Variants in EPS15 observed in about 807,000 individuals in gnomAD.
EPS15 encodes epidermal growth factor receptor pathway substrate 15.
EPS15 carries 72 observed loss-of-function variants against 113.8 expected under a neutral mutation model. The ratio of observed to expected loss-of-function variants is 0.63; its 90% CI spans 0.52 to 0.77. The LOEUF (loss-of-function observed/expected upper bound fraction) is 0.77, where lower values mean the gene tolerates loss of function less well. Ranked by LOEUF, EPS15 falls within the 30% of genes least tolerant of loss-of-function variation. EPS15 has a pLI of 0.00. For synonymous variants in EPS15, 344 were observed against 363.4 expected (o/e 0.95, Z 0.61); for missense variants, 1,048 against 1,045.8 (o/e 1.00, Z -0.03).
intron 18 of EPS15, among the ~76,000 whole-genome samples, chr1:51,401,502 A>T (rs1648548005): frequency 6.6e-6 from 1 of 152,226 alleles, no homozygotes; most frequent in Admixed American, 6.5e-5. Flanking sequence ...ATCTAACTGT[A>T]ACAGCAAAAC....
At chr1:51,369,135 A>G (rs1646581868) in intron 21 of EPS15, among the ~76,000 whole-genome samples, 1 of 152,342 alleles carries the variant, frequency 6.6e-6, no homozygotes, top group South Asian at 2.1e-4. Flanking sequence ...AACAAAATTA[A>G]TTTTAAAAAG....
At chr1:51,364,982 G>A (rs774588430) in intron 22 of EPS15, among the ~76,000 whole-genome samples, 4 of 151,482 alleles carry the variant, frequency 2.6e-5, no homozygotes, top group Non-Finnish European at 5.9e-5. Flanking sequence ...GGTGCGTGCC[G>A]GCATGCCTGA....
chr1:51,468,072 T>C (rs1041194502), intron 5 of EPS15, among the ~76,000 whole-genome samples: 4 of 152,002 alleles, frequency 2.6e-5, no homozygotes, highest in African/African-American at 9.7e-5. Flanking sequence ...GATCCTCCCA[T>C]CTCAGCCTCC....
At position 51,490,531 on chromosome 1, in the gene EPS15, C is replaced by A. The variant is rs970239010; in HGVS notation, c.34-9217G>T. Among the ~76,000 whole-genome samples, 4 of 144,722 alleles carry A rather than the reference C, an allele frequency of 2.8e-5. No homozygotes were observed. The South Asian group carries it at 8.9e-4, about 32-fold the overall frequency. 94.9% of individuals were successfully genotyped at this position (144,722 alleles called of 152,430 possible). The stretch of plus-strand genomic sequence containing the variant: ...AGTGAGCCGAGATCATGCCATTGCA[C>A]TCCCGCCTGGGCAACAGTGCGAGAC... On this transcript the variant is annotated intron_variant, in intron 1 of 24. Transcript: ENST00000371733.
intron 20 of EPS15, 142 bp from the exon 21 acceptor site, chr1:51,394,589 T>C (rs1647731006): frequency 6.4e-6 from 3 of 468,516 alleles, no homozygotes; most frequent in Non-Finnish European, 7.8e-6. Context: ...TTCCCCATAG[T>C]GATCTGCAAT....
intron 8 of EPS15, among the ~76,000 whole-genome samples, chr1:51,456,625 C>T (rs1177548286): frequency 1.3e-5 from 2 of 152,202 alleles, no homozygotes; most frequent in East Asian, 1.9e-4. Context: ...ATCTTAGCTA[C>T]GTCACTACTG....
chr1:51,403,499 C>T lies in EPS15; in HGVS notation c.1711G>A (p.Val571Met). 2 of 1,608,100 alleles carry T rather than the reference C, an allele frequency of 1.2e-6. No individual in the cohort carries two copies. The highest frequency in any genetic ancestry group is 1.7e-5 in the Admixed American group (1 of 59,186). ...GTAGTCACCTCATTTTCATCAGTCACACCAGAAGGCAGTAGTTCAGGACTA... is the reference window on the plus strand; with the variant it reads ...GTAGTCACCTCATTTTCATCAGTCATACCAGAAGGCAGTAGTTCAGGACTA... ...RSSPELLPSG[V>M]TDENEVTTAV... Residue 571 changes from valine to methionine, a missense_variant, in exon 17 of 25, where the codon GTG (valine) becomes ATG (methionine). Physicochemically the swap from Val to Met is conservative, Grantham distance 21. Transcript: ENST00000371733.
chr1:51,458,582 T>C (rs903125548), intron 8 of EPS15: 38 of 439,788 alleles, frequency 8.6e-5, no homozygotes, highest in African/African-American at 1.2e-4. Context: ...ACTAAAAATA[T>C]AAAAATTAGC....
At position 51,408,187 on chromosome 1, in the gene EPS15, T is replaced by C; in HGVS notation, c.1421A>G (p.Gln474Arg). 1.2e-6 allele frequency: 2 copies of C among 1,614,182 alleles called. No homozygotes were observed. The highest frequency in any genetic ancestry group is 1.7e-6 in the Non-Finnish European group (2 of 1,180,008). Residue 474 changes from glutamine (Q) to arginine (R), a missense_variant, in exon 15 of 25, where the codon CAG becomes CGG. Physicochemically the swap from Gln to Arg is conservative, Grantham distance 43. Transcript: ENST00000371733. Reference sequence around the variant, plus strand: ...TAGGTGCTGCTGAAGAGGTTCCAACTGAGCCTTCCCTGACTCTACACTCTC... The same window carrying C: ...TAGGTGCTGCTGAAGAGGTTCCAACCGAGCCTTCCCTGACTCTACACTCTC... ...LEESVESGKA[Q>R]LEPLQQHLQD...
At chr1:51,430,366 C>T (rs946312860) in intron 12 of EPS15, among the ~76,000 whole-genome samples, 2 of 151,530 alleles carry the variant, frequency 1.3e-5, no homozygotes, top group Non-Finnish European at 2.9e-5. Flanking sequence ...GTCAGGAGTT[C>T]GAGACAAGCC....
intron 1 of EPS15, among the ~76,000 whole-genome samples, chr1:51,497,954 C>T (rs144183706): frequency 1.2e-4 from 17 of 142,484 alleles, no homozygotes; most frequent in Non-Finnish European, 2.3e-4. Flanking sequence ...TCCAGCCTGG[C>T]GACAGAGCAA....
chr1:51,397,631 C>T (rs757355360), intron 20 of EPS15, among the ~76,000 whole-genome samples: 25 of 152,004 alleles, frequency 1.6e-4, no homozygotes, highest in Non-Finnish European at 2.5e-4. Flanking sequence ...CCCAGGGAAA[C>T]GAAAAATATT....
At chr1:51,402,295 C>T (rs547482216) in intron 18 of EPS15, 140 bp downstream of exon 18, 110 of 485,552 alleles carry the variant, frequency 2.3e-4, no homozygotes, top group Non-Finnish European at 3.6e-4. Flanking sequence ...TGCAGTGAGC[C>T]GAGATCGTGC....
intron 4 of EPS15, among the ~76,000 whole-genome samples, chr1:51,470,410 C>T (rs1016470048): frequency 6.6e-6 from 1 of 151,884 alleles, no homozygotes; most frequent in African/African-American, 2.4e-5. Context: ...TTTGGGAGGC[C>T]GAGGTGGGTG....
intron 1 of EPS15, among the ~76,000 whole-genome samples, chr1:51,489,407 C>T (rs1481691964): frequency 1.3e-5 from 2 of 151,076 alleles, no homozygotes; most frequent in Admixed American, 6.6e-5. Context: ...CTGCAATCTC[C>T]GCCTCCCGGG....
intron 2 of EPS15, among the ~76,000 whole-genome samples, chr1:51,476,189 C>G (rs1216787619): frequency 6.6e-6 from 1 of 152,048 alleles, no homozygotes; most frequent in Non-Finnish European, 1.5e-5. Context: ...AATGTGGAAC[C>G]ATTTTTGGTT....
At chr1:51,483,799 C>T (rs1644067551) in intron 1 of EPS15, among the ~76,000 whole-genome samples, 1 of 149,798 alleles carries the variant, frequency 6.7e-6, no homozygotes, top group Non-Finnish European at 1.5e-5. Context: ...AGCAAGACTC[C>T]ACCTAAAAAA....
intron 1 of EPS15, among the ~76,000 whole-genome samples, chr1:51,513,256 T>A (rs1488436182): frequency 6.6e-6 from 1 of 152,156 alleles, no homozygotes; most frequent in Non-Finnish European, 1.5e-5. Context: ...TGCAGCATAG[T>A]TGTAACAAAA....
At position 51,456,083 on chromosome 1, in the gene EPS15, A is replaced by C. The variant is rs1196298808; in HGVS notation, c.561+5008T>G. Among the ~76,000 whole-genome samples, 3 of 152,230 alleles carry C rather than the reference A, an allele frequency of 2.0e-5. No individual in the cohort carries two copies. In the East Asian group the frequency reaches 5.8e-4, roughly 29 times the overall value. ...ATTCATCAAAGGTTCACATGGCAAC[A>C]GAAGTTATACAGGTTAGAATCTTTA... On this transcript the variant is annotated intron_variant, in intron 8 of 24. Transcript: ENST00000371733.
Sources: gnomAD v4.1 joint callset for allele counts (sites outside exome capture counted in the v4.1 genomes callset) on GRCh38, gnomAD v4.1.1 for gene constraint, MANE v1.5 for transcripts, NCBI Gene and HGNC (gene_info 2026-07-23, HGNC 2026-07-21) for gene names.